The following GRAMD1B variants were observed in gnomAD, a reference collection of about 807,000 sequenced individuals.
GRAMD1B encodes the protein GRAM domain containing 1B, also known as protein Aster-B.
A neutral mutation model predicts 99.7 loss-of-function variants in GRAMD1B; 37 were observed. The ratio of observed to expected loss-of-function variants is 0.37; its 90% CI spans 0.29 to 0.49. The LOEUF (loss-of-function observed/expected upper bound fraction) is 0.49, where lower values mean the gene tolerates loss of function less well. Ranked by LOEUF, GRAMD1B falls within the 20% of genes least tolerant of loss-of-function variation. The probability of loss-of-function intolerance (pLI) is 0.98; values close to 1 mark genes in which losing one functional copy is unlikely to be tolerated. For missense variants in GRAMD1B, 888 were observed against 1,009.2 expected (o/e 0.88, Z 1.63); for synonymous variants, 427 against 387.6 (o/e 1.10, Z -1.19).
chr11:123,559,733 G>A (rs758513541), intron 2 of GRAMD1B: 30 of 974,012 alleles, frequency 3.1e-5, no homozygotes, highest in Non-Finnish European at 3.3e-5. Flanking sequence ...GTCTGTGAGA[G>A]CCTGACCTGC....
chr11:123,387,287 T>G (rs1404990196), intron 1 of GRAMD1B, among the ~76,000 whole-genome samples: 1 of 152,184 alleles, frequency 6.6e-6, no homozygotes, highest in East Asian at 1.9e-4. Flanking sequence ...AGGACTAATT[T>G]GGCACAGGCT....
intron 1 of GRAMD1B, among the ~76,000 whole-genome samples, chr11:123,434,061 C>G (rs981312835): frequency 1.1e-4 from 16 of 151,802 alleles, no homozygotes; most frequent in African/African-American, 3.9e-4. Flanking sequence ...GAAACACCGT[C>G]TCTACTAAAA....
intron 1 of GRAMD1B, among the ~76,000 whole-genome samples, chr11:123,422,870 C>A (rs1948501473): frequency 6.6e-6 from 1 of 152,188 alleles, no homozygotes; most frequent in South Asian, 2.1e-4. Flanking sequence ...CGTGTTCACT[C>A]TGCATTTGGT....
intron 1 of GRAMD1B, among the ~76,000 whole-genome samples, chr11:123,381,775 A>G (rs1401691015): frequency 6.6e-6 from 1 of 152,192 alleles, no homozygotes; most frequent in Admixed American, 6.5e-5. Context: ...TTAATCCCAT[A>G]CTTGAAAAAA....
chr11:123,478,356 A>C (rs1221719974), intron 1 of GRAMD1B, among the ~76,000 whole-genome samples: 1 of 152,198 alleles, frequency 6.6e-6, no homozygotes, highest in Non-Finnish European at 1.5e-5. Flanking sequence ...TGCTTCGTGT[A>C]CACATAGCGT....
intron 3 of GRAMD1B, among the ~76,000 whole-genome samples, chr11:123,582,019 A>C (rs1448032274): frequency 1.3e-5 from 2 of 152,232 alleles, no homozygotes; most frequent in Admixed American, 6.5e-5. Flanking sequence ...CACGGCATTG[A>C]GACGAGGAGC....
At chr11:123,498,294 C>A (rs1403904614) in intron 2 of GRAMD1B, among the ~76,000 whole-genome samples, 1 of 152,172 alleles carries the variant, frequency 6.6e-6, no homozygotes, top group Non-Finnish European at 1.5e-5. Flanking sequence ...CTGCTTTTCT[C>A]AAACTGAAGG....
intron 3 of GRAMD1B, among the ~76,000 whole-genome samples, chr11:123,582,214 A>G (rs931828471): frequency 1.3e-5 from 2 of 152,112 alleles, no homozygotes; most frequent in Non-Finnish European, 2.9e-5. Context: ...TGGGCTTCGG[A>G]TCAGGGCTTC....
chr11:123,522,196 G>C (rs1051296928), intron 2 of GRAMD1B, among the ~76,000 whole-genome samples: 1 of 152,188 alleles, frequency 6.6e-6, no homozygotes, highest in Non-Finnish European at 1.5e-5. Flanking sequence ...ACTGCTTTCC[G>C]TGAGAAGATA....
At chr11:123,386,285 G>A (rs1947054596) in intron 1 of GRAMD1B, among the ~76,000 whole-genome samples, 1 of 152,024 alleles carries the variant, frequency 6.6e-6, no homozygotes, top group South Asian at 2.1e-4. Flanking sequence ...GATTTGTAGG[G>A]GTGGCTTCCA....
chr11:123,620,378 G>A (rs1353048405), intron 19 of GRAMD1B, among the ~76,000 whole-genome samples: 1 of 148,506 alleles, frequency 6.7e-6, no homozygotes, highest in Non-Finnish European at 1.5e-5. Flanking sequence ...GGAGGCTAAG[G>A]CAGGAGAATT....
At chr11:123,512,398 T>A (rs1046762011) in intron 2 of GRAMD1B, among the ~76,000 whole-genome samples, 2 of 152,230 alleles carry the variant, frequency 1.3e-5, no homozygotes, top group African/African-American at 4.8e-5. Flanking sequence ...ATTCTGTGGC[T>A]GGTTTGGAAA....
chr11:123,586,941 C>T (rs1157023694), intron 4 of GRAMD1B, among the ~76,000 whole-genome samples: 2 of 152,226 alleles, frequency 1.3e-5, no homozygotes, highest in East Asian at 3.8e-4. Flanking sequence ...CATTGTAACG[C>T]CCAGCCCTGG....
rs1950603522 is a variant in GRAMD1B, at chr11:123,591,153, G to A, written c.685-2929G>A. On this transcript the variant is annotated intron_variant, in intron 4 of 19. Transcript: ENST00000635736. This position sits in a 1 kb window ranked among gnomAD's most constrained non-coding sequence, Gnocchi z 4.7. ...AGAGCCCGCCATGGGAGACTGGCTG[G>A]CCAGCTTGTCCTGAGAACCACGCTG... The A allele has an allele frequency of 1.2e-5, 4 of 339,086 alleles. No individual in the cohort carries two copies. Among genetic ancestry groups the A allele is most frequent in the African/African-American group, 4.2e-5 (2 of 47,384 alleles). 21.0% of individuals were successfully genotyped at this position (339,086 alleles called of 1,614,324 possible). A position where few individuals can be genotyped will look rare whatever the true frequency, so the allele number is the denominator to read the frequency against.
intron 2 of GRAMD1B, among the ~76,000 whole-genome samples, chr11:123,515,203 C>G (rs1361837620): frequency 4.6e-5 from 7 of 152,120 alleles, no homozygotes; most frequent in Non-Finnish European, 7.4e-5. Flanking sequence ...TGATACAAGA[C>G]GTCAGAGTTG....
chr11:123,477,484 G>T (rs937262911), intron 1 of GRAMD1B, among the ~76,000 whole-genome samples: 1 of 151,644 alleles, frequency 6.6e-6, no homozygotes, highest in African/African-American at 2.4e-5. Flanking sequence ...CAGTGTTAAG[G>T]CATCTTTCAG....
At chr11:123,589,637 T>TATATA (rs1565424189) in intron 4 of GRAMD1B, among the ~76,000 whole-genome samples, 2 of 147,354 alleles carry the variant, frequency 1.4e-5, no homozygotes, top group African/African-American at 2.5e-5. Context: ...TATATATATA[T>TATATA]TTGTAGTAGA....
intron 2 of GRAMD1B, among the ~76,000 whole-genome samples, chr11:123,551,737 C>G (rs1001129296): frequency 6.6e-6 from 1 of 152,168 alleles, no homozygotes; most frequent in Non-Finnish European, 1.5e-5. Context: ...TTGTAGCCAC[C>G]TGTTGGTAGT....
chr11:123,426,609 G>A (rs903347066), upstream of GRAMD1B, among the ~76,000 whole-genome samples: 1 of 152,192 alleles, frequency 6.6e-6, no homozygotes, highest in Non-Finnish European at 1.5e-5. Flanking sequence ...CCGTTCGAAT[G>A]TTGTGTAGGG....
Sources: allele counts gnomAD v4.1 joint callset (sites outside exome capture counted in the v4.1 genomes callset), GRCh38; gene constraint gnomAD v4.1.1; non-coding constraint Gnocchi (gnomAD v3.1); transcripts MANE v1.5; gene names NCBI Gene and HGNC (gene_info 2026-07-23, HGNC 2026-07-21).